Variants in COL21A1 observed in about 807,000 individuals in gnomAD.
COL21A1 encodes the protein collagen type XXI alpha 1 chain.
In COL21A1, 149 loss-of-function variants were observed where a neutral mutation model predicts 137.9. The ratio of observed to expected loss-of-function variants is 1.08; its 90% confidence interval spans 0.95 to 1.24. The LOEUF (loss-of-function observed/expected upper bound fraction) is 1.24, where lower values mean the gene tolerates loss of function less well. Among genes scored for constraint, COL21A1 ranks in the 50% most tolerant of loss-of-function variants. The probability of loss-of-function intolerance (pLI) is 0.00; values close to 1 mark genes in which losing one functional copy is unlikely to be tolerated. For synonymous variants in COL21A1, 456 were observed against 391.5 expected, an observed-to-expected ratio of 1.16 and a Z score of -1.95; for missense variants, 1,167 against 1,158.4, an observed-to-expected ratio of 1.01 and a Z score of -0.11.
rs1166739672 is a variant in COL21A1, at chr6:56,156,882, C to T, written c.1434+5G>A. The T allele has an allele frequency of 1.9e-6, 3 of 1,609,656 alleles. No homozygotes were observed. The highest frequency in any genetic ancestry group is 3.4e-5 in the Admixed American group (2 of 59,580). On this transcript the variant is annotated splice_donor_5th_base_variant and intron_variant, in intron 10 of 29. Transcript: ENST00000244728. ...ACCGGAGATGACTAAGCTTTCAGTA[C>T]TCACAGGCTTACCATCTTGACCAGG...
At chr6:56,164,103 C>T (rs1386855297) in intron 9 of COL21A1, among the ~76,000 whole-genome samples, 2 of 152,266 alleles carry the variant, frequency 1.3e-5, no homozygotes, top group Non-Finnish European at 2.9e-5. Context: ...AATGCCCTTT[C>T]TTCATTTTTT....
At chr6:56,117,384 A>T (rs1012936248) in intron 16 of COL21A1, among the ~76,000 whole-genome samples, 4 of 152,110 alleles carry the variant, frequency 2.6e-5, no homozygotes, top group African/African-American at 9.6e-5. Context: ...AATTCAGCAG[A>T]GGATATAACA....
chr6:56,329,130 C>T (rs1045053548), intron 1 of COL21A1, among the ~76,000 whole-genome samples: 6 of 152,056 alleles, frequency 3.9e-5, no homozygotes, highest in African/African-American at 7.2e-5. Flanking sequence ...TTGCTTTAAA[C>T]GGTGTAAGGC....
At position 56,125,601 on chromosome 6, in the gene COL21A1, C is replaced by T; in HGVS notation, c.1616G>A (p.Gly539Glu). 6.3e-7 allele frequency: 1 copy of T among 1,594,884 alleles called. No individual in the cohort carries two copies. Among genetic ancestry groups the T allele is most frequent in the Non-Finnish European group, 8.6e-7 (1 of 1,167,636 alleles). The stretch of plus-strand genomic sequence containing the variant: ...ATAAAATCCAGGTGATCCTTTGTCT[C>T]CTTTGGCACCCATTTCACCCTAAAA... ...PGSKGEMGAK[G>E]DKGSPGFYGK... Residue 539 changes from glycine (G) to glutamate (E), a missense_variant, in exon 14 of 30, where the codon GGA becomes GAA. Gly to Glu is a moderately conservative substitution (Grantham distance 98, BLOSUM62 -2). Coordinates refer to ENST00000244728, the MANE Select transcript of COL21A1 (RefSeq NM_030820.4).
intron 1 of COL21A1, among the ~76,000 whole-genome samples, chr6:56,339,219 C>T (rs9382621): frequency 0.23 from 34,378 of 152,104 alleles, 5,637 homozygotes; most frequent in East Asian, 0.71. Context: ...TACCTGCAGG[C>T]TATGGGAGCC....
At chr6:56,284,073 G>A (rs1024100647) in intron 1 of COL21A1, among the ~76,000 whole-genome samples, 15 of 152,176 alleles carry the variant, frequency 9.9e-5, no homozygotes, top group Middle Eastern at 3.4e-3. Context: ...TTTGAGACAG[G>A]TTCTGGCTCT....
intron 17 of COL21A1, among the ~76,000 whole-genome samples, chr6:56,082,685 A>G (rs1334152772): frequency 6.6e-6 from 1 of 151,994 alleles, no homozygotes; most frequent in East Asian, 1.9e-4. Context: ...TATATAATAG[A>G]GGTAATCATA....
intron 25 of COL21A1, 70 bp from the exon 26 acceptor site, chr6:56,061,107 C>A: frequency 7.5e-7 from 1 of 1,338,088 alleles, no homozygotes; most frequent in Non-Finnish European, 1.0e-6. Flanking sequence ...TCATGAAGCT[C>A]GTTAAGGATG....
intron 1 of COL21A1, among the ~76,000 whole-genome samples, chr6:56,223,303 G>A (rs1362883736): frequency 6.6e-6 from 1 of 152,066 alleles, no homozygotes; most frequent in East Asian, 1.9e-4. Context: ...AAAAGTAAAA[G>A]TGTCCCTCTA....
At chr6:56,380,385 T>A (rs2152351805) in intron 1 of COL21A1, among the ~76,000 whole-genome samples, 1 of 152,360 alleles carries the variant, frequency 6.6e-6, no homozygotes, top group South Asian at 2.1e-4. Flanking sequence ...TGGACTAATA[T>A]GACTGCCTTT....
intron 1 of COL21A1, among the ~76,000 whole-genome samples, chr6:56,292,275 T>G (rs1378503479): frequency 6.6e-6 from 1 of 152,202 alleles, no homozygotes; most frequent in Admixed American, 6.5e-5. Flanking sequence ...GTTACTCTGC[T>G]TTTGTTTAAA....
chr6:56,304,532 A>G (rs1764387722), intron 1 of COL21A1, among the ~76,000 whole-genome samples: 1 of 152,242 alleles, frequency 6.6e-6, no homozygotes, highest in African/African-American at 2.4e-5. Flanking sequence ...AGGTGTTTAC[A>G]GTATTCTCTG....
chr6:56,343,669 A>C (rs943341785), intron 1 of COL21A1, among the ~76,000 whole-genome samples: 6 of 152,220 alleles, frequency 3.9e-5, no homozygotes, highest in Admixed American at 1.3e-4. Context: ...GGCCAGGCAC[A>C]GTGGCTTATG....
intron 1 of COL21A1, among the ~76,000 whole-genome samples, chr6:56,229,292 G>C (rs1338865460): frequency 4.0e-5 from 6 of 151,894 alleles, no homozygotes; most frequent in African/African-American, 1.5e-4. Flanking sequence ...AGCCTGAGAG[G>C]ACAGAACCAT....
In COL21A1 at chr6:56,380,709, G is replaced by C. The variant is rs118008680; in HGVS notation, c.-39+13262C>G. Among the ~76,000 whole-genome samples the C allele has an allele frequency of 4.6e-5, 7 of 152,188 alleles. 2 individuals are homozygous for C. The East Asian group carries it at 1.4e-3, about 29-fold the overall frequency. On this transcript the variant is annotated intron_variant, in intron 1 of 28. Coordinates refer to the COL21A1 transcript ENST00000370819. Reference sequence around the variant, plus strand: ...TTTTCCACATTTTCCACATTTTTGTGCTTTTTACTGGTGATGTTGCTGTTG... The same window carrying C: ...TTTTCCACATTTTCCACATTTTTGTCCTTTTTACTGGTGATGTTGCTGTTG...
intron 1 of COL21A1, among the ~76,000 whole-genome samples, chr6:56,303,459 T>A (rs1291149205): frequency 6.6e-6 from 1 of 152,210 alleles, no homozygotes; most frequent in Non-Finnish European, 1.5e-5. Flanking sequence ...CCCTTGTAAG[T>A]TGGATTCCTA....
intron 1 of COL21A1, among the ~76,000 whole-genome samples, chr6:56,299,149 G>C (rs1315683002): frequency 6.6e-6 from 1 of 152,088 alleles, no homozygotes; most frequent in Admixed American, 6.6e-5. Context: ...ATTTAATCCA[G>C]AGACATCAGG....
At chr6:56,193,166 G>T (rs1334002053) in intron 1 of COL21A1, among the ~76,000 whole-genome samples, 1 of 152,022 alleles carries the variant, frequency 6.6e-6, no homozygotes, top group Non-Finnish European at 1.5e-5. Context: ...GGGCCTGTCA[G>T]GGGGTGGGGG....
At chr6:56,312,361 T>C (rs771183082) in intron 1 of COL21A1, among the ~76,000 whole-genome samples, 1 of 151,988 alleles carries the variant, frequency 6.6e-6, no homozygotes, top group Non-Finnish European at 1.5e-5. Context: ...AACACAGAAT[T>C]TGATGATTGA....
Sources: gnomAD v4.1 joint callset for allele counts (sites outside exome capture counted in the v4.1 genomes callset) on GRCh38, gnomAD v4.1.1 for gene constraint, MANE v1.5 for transcripts, NCBI Gene and HGNC (gene_info 2026-07-23, HGNC 2026-07-21) for gene names.